The following GPC5 variants were observed in gnomAD, a reference collection of about 807,000 sequenced individuals.
The protein encoded by GPC5 is glypican 5.
Under a neutral mutation model 53.9 loss-of-function variants are expected in GPC5, and 47 were observed. That is an observed-to-expected ratio of 0.87 (90% CI 0.69 to 1.11). The LOEUF is 1.11. Among genes scored for constraint, GPC5 ranks in the 50% most tolerant of loss-of-function variants. GPC5 has a pLI of 0.00. For synonymous variants in GPC5, 286 were observed against 263.3 expected (o/e 1.09, Z -0.84); for missense variants, 748 against 713.1 (o/e 1.05, Z -0.56).
At chr13:91,530,643 A>G (rs1886300919) in intron 2 of GPC5, among the ~76,000 whole-genome samples, 2 of 152,190 alleles carry the variant, frequency 1.3e-5, no homozygotes, top group Non-Finnish European at 2.9e-5. Context: ...TAATAATAGC[A>G]TGCATTTTGG....
rs1298705526 is a variant in GPC5, at chr13:91,515,901, G to A, written c.325+66979G>A. On this transcript the variant is annotated intron_variant, in intron 2 of 7. Coordinates refer to ENST00000377067, the MANE Select transcript of GPC5 (RefSeq NM_004466.6). ...TCAGAATCATGGCAGGAGGTGAAAG[G>A]CACTTCTTCATGGCAGTGGCAAAAG... Among the ~76,000 whole-genome samples, 3 of 152,156 alleles carry A rather than the reference G, an allele frequency of 2.0e-5. No homozygotes were observed. The South Asian group carries it at 6.2e-4, about 32-fold the overall frequency.
chr13:92,456,156 T>G (rs1031702775), intron 7 of GPC5, among the ~76,000 whole-genome samples: 1 of 151,780 alleles, frequency 6.6e-6, no homozygotes, highest in Non-Finnish European at 1.5e-5. Context: ...AAAAGTTGAT[T>G]TTCCCAGATA....
At chr13:91,513,602 G>A (rs893955127) in intron 2 of GPC5, among the ~76,000 whole-genome samples, 4 of 152,212 alleles carry the variant, frequency 2.6e-5, no homozygotes, top group African/African-American at 4.8e-5. Context: ...TTAGCCAGGC[G>A]TGATGACATG....
intron 7 of GPC5, among the ~76,000 whole-genome samples, chr13:92,558,404 G>T (rs1472623339): frequency 6.6e-6 from 1 of 151,936 alleles, no homozygotes; most frequent in African/African-American, 2.4e-5. Context: ...TTTGCAAAAA[G>T]TTACACAAAA....
At chr13:91,916,356 T>C (rs2039659020) in intron 6 of GPC5, among the ~76,000 whole-genome samples, 1 of 152,182 alleles carries the variant, frequency 6.6e-6, no homozygotes, top group African/African-American at 2.4e-5. Flanking sequence ...CATAGCAATG[T>C]TGTTCATATT....
chr13:92,447,052 T>C (rs1292203443), intron 7 of GPC5: 1 of 152,156 alleles, frequency 6.6e-6, no homozygotes, highest in African/African-American at 2.4e-5. Context: ...AGATATATAG[T>C]TTATAGATAT....
rs1203605456 is a variant in GPC5 at position 92,587,478 on chromosome 13, AT to A, written c.1562-278802del. 2.0e-5 allele frequency among the ~76,000 whole-genome samples: 3 copies of A among 151,502 alleles called. No homozygotes were observed. In the East Asian group the frequency reaches 5.8e-4, roughly 29 times the overall value. On this transcript the variant is annotated intron_variant, in intron 7 of 7. Transcript: ENST00000377067. Reference sequence around the variant, plus strand: ...TGTCTCCAAAGTGAGGATGGTTTTTATTATACCACCCCATTGTCTAACAGGC... The same window carrying A: ...TGTCTCCAAAGTGAGGATGGTTTTTATATACCACCCCATTGTCTAACAGGC...
At chr13:92,417,924 A>G (rs753701805) in intron 7 of GPC5, among the ~76,000 whole-genome samples, 2 of 152,168 alleles carry the variant, frequency 1.3e-5, no homozygotes, top group Non-Finnish European at 1.5e-5. Context: ...CTATCAGGCA[A>G]TGAATGTCTA....
At chr13:91,650,178 G>A (rs933795700) in intron 2 of GPC5, among the ~76,000 whole-genome samples, 1 of 152,042 alleles carries the variant, frequency 6.6e-6, no homozygotes, top group African/African-American at 2.4e-5. Context: ...CAATTTCATT[G>A]TATGTTTCAG....
chr13:91,862,002 C>T (rs748449263), intron 5 of GPC5, among the ~76,000 whole-genome samples: 97 of 151,640 alleles, frequency 6.4e-4, no homozygotes, highest in Non-Finnish European at 1.1e-3. Flanking sequence ...ATAAATTTTT[C>T]TATGTACATC....
intron 7 of GPC5, among the ~76,000 whole-genome samples, chr13:92,419,140 C>G (rs1486707891): frequency 1.3e-5 from 2 of 152,144 alleles, no homozygotes; most frequent in African/African-American, 2.4e-5. Flanking sequence ...CTCATTTACT[C>G]ATAAAAATCA....
At chr13:92,390,550 A>G (rs906390388) in intron 7 of GPC5, among the ~76,000 whole-genome samples, 1 of 152,090 alleles carries the variant, frequency 6.6e-6, no homozygotes, top group Non-Finnish European at 1.5e-5. Flanking sequence ...GCGAGTTTAA[A>G]CACCTGGTGC....
At chr13:91,764,535 G>A (rs1490465397) in intron 5 of GPC5, among the ~76,000 whole-genome samples, 1 of 152,134 alleles carries the variant, frequency 6.6e-6, no homozygotes, top group East Asian at 1.9e-4. Context: ...GTGCCTGAAG[G>A]CTCTTTCATT....
At chr13:92,740,347 A>G (rs1215757979) in intron 7 of GPC5, among the ~76,000 whole-genome samples, 2 of 152,112 alleles carry the variant, frequency 1.3e-5, no homozygotes, top group Non-Finnish European at 2.9e-5. Context: ...AATTGAATAA[A>G]TAAATATTAA....
At chr13:92,631,541 G>T (rs1885239711) in intron 7 of GPC5, among the ~76,000 whole-genome samples, 1 of 152,040 alleles carries the variant, frequency 6.6e-6, no homozygotes, top group Admixed American at 6.6e-5. Flanking sequence ...ATAATATATT[G>T]TTCTCTGTAC....
intron 7 of GPC5, among the ~76,000 whole-genome samples, chr13:92,616,620 G>T (rs1884699977): frequency 6.6e-6 from 1 of 152,036 alleles, no homozygotes; most frequent in Non-Finnish European, 1.5e-5. Flanking sequence ...ACCACAATCT[G>T]GATACATCCA....
At chr13:91,820,021 T>G (rs1284937892) in intron 5 of GPC5, among the ~76,000 whole-genome samples, 6 of 152,222 alleles carry the variant, frequency 3.9e-5, no homozygotes, top group Admixed American at 3.9e-4. Flanking sequence ...ACAAAGCATT[T>G]TCTTGAATAT....
chr13:91,737,512 A>G (rs1028044774), intron 4 of GPC5, among the ~76,000 whole-genome samples: 1 of 151,436 alleles, frequency 6.6e-6, no homozygotes, highest in Non-Finnish European at 1.5e-5. Context: ...TAGCTGAAAA[A>G]ATAGGAATTG....
At chr13:92,232,135 C>T (rs17426654) in intron 7 of GPC5, among the ~76,000 whole-genome samples, 22,728 of 152,030 alleles carry the variant, frequency 0.15, 2,139 homozygotes, top group Non-Finnish European at 0.21. Context: ...CCTTTGATAA[C>T]TTCCTAGTTA....
Sources: gnomAD v4.1 joint callset for allele counts (sites outside exome capture counted in the v4.1 genomes callset) on GRCh38, gnomAD v4.1.1 for gene constraint, MANE v1.5 for transcripts, NCBI Gene and HGNC (gene_info 2026-07-23, HGNC 2026-07-21) for gene names.